Variants in PARVB observed in about 807,000 individuals in gnomAD.
PARVB encodes the protein beta-parvin.
In PARVB, 46 loss-of-function variants were observed where a neutral mutation model predicts 47.0. The observed-to-expected ratio is 0.98, with a 90% CI of 0.77 to 1.25. PARVB has a LOEUF of 1.25. Ranked by LOEUF, PARVB falls within the 50% of genes most tolerant of loss-of-function variation. The probability of loss-of-function intolerance (pLI) is 0.00; values close to 1 mark genes in which losing one functional copy is unlikely to be tolerated. For synonymous variants in PARVB, 196 were observed against 196.3 expected (o/e 1.00, Z 0.01); for missense variants, 473 against 471.6 (o/e 1.00, Z -0.03).
rs996641559 is a variant in PARVB at position 44,170,684 on chromosome 22, C to T, written c.*2006C>T. ...CAGTCCCTCGCTGTGGCGCCCCCCC[C>T]TCCCCCAGCTCCTTCCCAGGGTGAT... is the stretch of plus-strand genomic sequence containing the variant. On this transcript the variant is annotated 3_prime_UTR_variant, in exon 13 of 13. Transcript: ENST00000338758. 6.6e-6 allele frequency: 1 copy of T among 151,720 alleles called. No individual in the cohort carries two copies. Among genetic ancestry groups the T allele is most frequent in the South Asian group, 2.1e-4 (1 of 4,822 alleles). The allele number at this position is 151,720 out of a possible 1,614,324, so 9.4% of individuals were successfully genotyped here. A position where few individuals can be genotyped will look rare whatever the true frequency, so the allele number is the denominator to read the frequency against.
intron 3 of PARVB, chr22:44,105,380 A>T (rs952894268): frequency 6.6e-6 from 1 of 152,198 alleles, no homozygotes; most frequent in Admixed American, 6.5e-5. Flanking sequence ...GTTCATTATC[A>T]CGTACCTGGT....
chr22:44,127,104 A>G (rs2053202763), intron 4 of PARVB, among the ~76,000 whole-genome samples: 1 of 152,198 alleles, frequency 6.6e-6, no homozygotes. Context: ...TGTTATCCAT[A>G]AAGTATAACA....
chr22:44,082,344 C>A (rs1001809551), intron 1 of PARVB, among the ~76,000 whole-genome samples: 1 of 152,066 alleles, frequency 6.6e-6, no homozygotes, highest in Non-Finnish European at 1.5e-5. Context: ...CATAGTGAAA[C>A]CTCATCTGTA....
chr22:44,074,374 G>T (rs921792370), intron 1 of PARVB, among the ~76,000 whole-genome samples: 1 of 152,228 alleles, frequency 6.6e-6, no homozygotes, highest in African/African-American at 2.4e-5. Flanking sequence ...GGCAGCAGCT[G>T]CCCAGGCCAC....
intron 2 of PARVB, among the ~76,000 whole-genome samples, chr22:44,007,350 C>T (rs2050476663): frequency 6.6e-6 from 1 of 152,170 alleles, no homozygotes; most frequent in Non-Finnish European, 1.5e-5. Flanking sequence ...AGCATGGGGC[C>T]TGCATCAGGC....
intron 9 of PARVB, chr22:44,151,274 G>A (rs557374771): frequency 7.5e-6 from 4 of 530,464 alleles, no homozygotes; most frequent in African/African-American, 5.7e-5. Flanking sequence ...GCAGAGACGT[G>A]TAGCCAGGAT....
chr22:44,139,647 C>T (rs143543554), intron 7 of PARVB: 1,656 of 161,690 alleles, frequency 0.01, 34 homozygotes, highest in African/African-American at 0.038. Context: ...GATGGGGTTT[C>T]GCCATTTTGG....
At chr22:44,122,592 G>C (rs955393513) in intron 4 of PARVB, among the ~76,000 whole-genome samples, 11 of 142,466 alleles carry the variant, frequency 7.7e-5, no homozygotes, top group African/African-American at 1.3e-4. Context: ...GAGAGAGAGA[G>C]AGAGAGAGAG....
At chr22:44,161,774 G>A (rs949555255) in intron 11 of PARVB, among the ~76,000 whole-genome samples, 3 of 152,170 alleles carry the variant, frequency 2.0e-5, no homozygotes, top group African/African-American at 4.8e-5. Flanking sequence ...CCCGCAGGTC[G>A]CTCCCTGCTC....
intron 1 of PARVB, among the ~76,000 whole-genome samples, chr22:44,042,558 C>T (rs968966520): frequency 2.0e-5 from 3 of 152,216 alleles, no homozygotes; most frequent in Non-Finnish European, 2.9e-5. Flanking sequence ...TGTCTTCACA[C>T]GTCCTGCACT....
intron 1 of PARVB, among the ~76,000 whole-genome samples, chr22:44,029,896 C>T (rs763183202): frequency 1.1e-4 from 16 of 146,208 alleles, no homozygotes; most frequent in Admixed American, 9.6e-4. Flanking sequence ...GGAGACAAAG[C>T]GAGACTCTGC....
At chr22:44,024,153 G>C (rs1353690242), upstream of PARVB, 2 of 182,886 alleles carry the variant, frequency 1.1e-5, no homozygotes, top group Non-Finnish European at 2.1e-5. Context: ...GGCGGCGCGG[G>C]ACGGGGACGG....
intron 3 of PARVB, chr22:44,107,725 A>G (rs929006990): frequency 3.3e-5 from 5 of 152,188 alleles, no homozygotes; most frequent in African/African-American, 1.2e-4. Flanking sequence ...CGCAAAACCC[A>G]TCAACAGTGG....
chr22:44,155,972 G>A lies in PARVB; in HGVS notation c.844-2010G>A, dbSNP rs1217165472. Among the ~76,000 whole-genome samples the A allele has an allele frequency of 6.6e-6, 1 of 152,226 alleles. No homozygotes were observed. The highest frequency in any genetic ancestry group is 1.9e-4 in the East Asian group (1 of 5,136). On this transcript the variant is annotated intron_variant, in intron 10 of 12. Coordinates refer to ENST00000338758, the MANE Select transcript of PARVB (RefSeq NM_013327.5). This position sits in a 1 kb window ranked among gnomAD's most constrained non-coding sequence, Gnocchi z 4.8. Reference sequence around the variant, plus strand: ...TCAAGACCAGCCTGACCAACATGGTGAAACCCCATCTCTACTAAAAATACA... The same window carrying A: ...TCAAGACCAGCCTGACCAACATGGTAAAACCCCATCTCTACTAAAAATACA...
At chr22:44,160,845 C>T (rs545429583) in intron 11 of PARVB, among the ~76,000 whole-genome samples, 2 of 152,290 alleles carry the variant, frequency 1.3e-5, no homozygotes, top group African/African-American at 4.8e-5. Context: ...GTGACCACCT[C>T]GTCACCCGAT....
chr22:44,142,390 A>C (rs893652451), intron 8 of PARVB: 3 of 84,104 alleles, frequency 3.6e-5, no homozygotes, highest in African/African-American at 9.9e-5. Flanking sequence ...AAAAAAAAAA[A>C]AAAAAAAAAA....
intron 2 of PARVB, among the ~76,000 whole-genome samples, chr22:44,001,494 A>C (rs1485828998): frequency 6.6e-6 from 1 of 152,218 alleles, no homozygotes; most frequent in Non-Finnish European, 1.5e-5. Context: ...AATCTAAAAC[A>C]AAGCTTATTT....
intron 1 of PARVB, among the ~76,000 whole-genome samples, chr22:44,050,241 G>C (rs2051183675): frequency 1.3e-5 from 2 of 152,134 alleles, no homozygotes; most frequent in African/African-American, 4.8e-5. Flanking sequence ...CTAAAGCAAG[G>C]ATTGGCAAAC....
At chr22:44,091,576 T>C (rs753529457) in intron 1 of PARVB, among the ~76,000 whole-genome samples, 5 of 152,192 alleles carry the variant, frequency 3.3e-5, no homozygotes, top group Non-Finnish European at 7.3e-5. Context: ...TGTACAGTGT[T>C]TGACTTTCTG....
Sources: gnomAD v4.1 joint callset for allele counts (sites outside exome capture counted in the v4.1 genomes callset) on GRCh38, gnomAD v4.1.1 for gene constraint, Gnocchi (gnomAD v3.1) non-coding constraint, MANE v1.5 for transcripts, NCBI Gene and HGNC (gene_info 2026-07-23, HGNC 2026-07-21) for gene names.